The following PKHD1 variants were observed in gnomAD, a reference collection of about 807,000 sequenced individuals.
The protein encoded by PKHD1 is fibrocystin.
PKHD1 carries 291 observed loss-of-function variants against 412.0 expected under a neutral mutation model. The ratio of observed to expected loss-of-function variants is 0.71; its 90% CI spans 0.64 to 0.78. PKHD1 has a LOEUF of 0.78. Among genes scored for constraint, PKHD1 ranks in the 30% least tolerant of loss-of-function variants. The pLI, the probability that PKHD1 is intolerant of heterozygous loss-of-function variation, is 0.00. For missense variants in PKHD1, 4,825 were observed against 4,950.7 expected, an observed-to-expected ratio of 0.97 and a Z score of 0.76; for synonymous variants, 1,777 against 1,821.5, an observed-to-expected ratio of 0.98 and a Z score of 0.62.
At chr6:51,812,971 A>G (rs1490955968) in intron 52 of PKHD1, among the ~76,000 whole-genome samples, 1 of 152,202 alleles carries the variant, frequency 6.6e-6, no homozygotes, top group Admixed American at 6.5e-5. Context: ...AAATCTTTGA[A>G]TCCACCTATG....
rs1214094665 is a variant in PKHD1, at chr6:51,615,623, T to C, written c.*3458A>G. ...CACGTACAATTTTATAGAAGCTTGG[T>C]TGAATAATATTTGCATATGATTTAC... is the stretch of plus-strand genomic sequence containing the variant. On this transcript the variant is annotated 3_prime_UTR_variant, in exon 67 of 67. Coordinates refer to ENST00000371117, the MANE Select transcript of PKHD1 (RefSeq NM_138694.4). The C allele has an allele frequency of 6.6e-6, 1 of 152,242 alleles. No homozygotes were observed. Among genetic ancestry groups the C allele is most frequent in the African/African-American group, 2.4e-5 (1 of 41,460 alleles). The allele number at this position is 152,242 out of a possible 1,614,324, so 9.4% of individuals were successfully genotyped here.
At position 51,659,033 on chromosome 6, in the gene PKHD1, T is replaced by G. The variant is rs556354288; in HGVS notation, c.11093A>C (p.Gln3698Pro). 1 of 1,612,828 alleles carries G rather than the reference T, an allele frequency of 6.2e-7. No homozygotes were observed. The highest frequency in any genetic ancestry group is 1.3e-5 in the African/African-American group (1 of 74,992). ...CAGAACATTCTCTAGTACCCCAGTC[T>G]GTTGAGCAGTGATGACTCGATGAGC... ...NLAHRVITAQ[Q>P]TGVLENVLNM... The change falls in exon 61 of 67, where the codon CAG becomes CCG. Residue 3698 changes from glutamine (Q) to proline (P), a missense_variant. Gln to Pro is a moderately conservative substitution (Grantham distance 76). Transcript: ENST00000371117.
chr6:51,745,515 T>C (rs1195883897), intron 59 of PKHD1, among the ~76,000 whole-genome samples: 2 of 152,112 alleles, frequency 1.3e-5, no homozygotes, highest in Non-Finnish European at 2.9e-5. Flanking sequence ...CAGTGTTTGA[T>C]CTTGGACTCC....
chr6:51,726,272 G>A (rs1434646290), intron 60 of PKHD1, among the ~76,000 whole-genome samples: 2 of 152,128 alleles, frequency 1.3e-5, no homozygotes, highest in East Asian at 3.8e-4. Context: ...TGGTGGATGA[G>A]GCCAATCCTG....
intron 5 of PKHD1, among the ~76,000 whole-genome samples, 179 bp downstream of exon 5, chr6:52,079,721 T>C (rs1000976979): frequency 7.2e-5 from 11 of 152,190 alleles, no homozygotes; most frequent in Non-Finnish European, 1.2e-4. Context: ...AAGGCTGACA[T>C]ACAAACGTTC....
chr6:51,669,106 G>C (rs1051972681), intron 60 of PKHD1, among the ~76,000 whole-genome samples: 1 of 152,140 alleles, frequency 6.6e-6, no homozygotes, highest in Non-Finnish European at 1.5e-5. Flanking sequence ...GATTGGAATA[G>C]TTTCAGATGG....
intron 52 of PKHD1, among the ~76,000 whole-genome samples, chr6:51,828,244 G>A (rs1174218532): frequency 6.6e-6 from 1 of 151,940 alleles, no homozygotes; most frequent in African/African-American, 2.4e-5. Flanking sequence ...TAAATTCTCT[G>A]ATTTCCTGCA....
intron 60 of PKHD1, among the ~76,000 whole-genome samples, chr6:51,742,429 C>T (rs947881114): frequency 7.9e-5 from 12 of 152,080 alleles, no homozygotes; most frequent in Admixed American, 1.3e-4. Context: ...TATGTAGAAA[C>T]AGCTCCAAAT....
At chr6:51,753,472 A>C (rs932126762) in intron 56 of PKHD1, 119 bp from the exon 57 acceptor site, 1 of 809,354 alleles carries the variant, frequency 1.2e-6, no homozygotes, top group Non-Finnish European at 2.1e-6. Context: ...AGTTCTACCA[A>C]CATTAAGGTC....
chr6:51,982,214 C>G (rs1215650739), intron 35 of PKHD1, among the ~76,000 whole-genome samples: 1 of 30,182 alleles, frequency 3.3e-5, no homozygotes, highest in African/African-American at 8.6e-5. Flanking sequence ...CCCGGCCAGC[C>G]GCCCCATCCG....
At chr6:51,828,315 T>C (rs1468334302) in intron 52 of PKHD1, among the ~76,000 whole-genome samples, 1 of 152,098 alleles carries the variant, frequency 6.6e-6, no homozygotes, top group African/African-American at 2.4e-5. Context: ...GCATCCCAGA[T>C]TTTTCATCTG....
intron 53 of PKHD1, among the ~76,000 whole-genome samples, chr6:51,786,295 CTAAT>C (rs939312059): frequency 2.0e-5 from 3 of 152,084 alleles, no homozygotes; most frequent in Non-Finnish European, 2.9e-5. Context: ...CAATGCTTCT[CTAAT>C]TAATTCTTTA....
intron 63 of PKHD1, 63 bp downstream of exon 63, chr6:51,647,968 C>G: frequency 1.0e-6 from 1 of 996,516 alleles, no homozygotes. Context: ...CTAATGGCTG[C>G]AAACATTTTC....
intron 61 of PKHD1, among the ~76,000 whole-genome samples, chr6:51,652,455 ACT>A (rs886771964): frequency 6.6e-6 from 1 of 151,902 alleles, no homozygotes; most frequent in Non-Finnish European, 1.5e-5. Context: ...AATCAGAGAT[ACT>A]CTCTCTTCAA....
At chr6:51,648,342 G>T (rs1770405444) in intron 62 of PKHD1, among the ~76,000 whole-genome samples, 1 of 152,188 alleles carries the variant, frequency 6.6e-6, no homozygotes, top group African/African-American at 2.4e-5. Context: ...GTTGGGGCAG[G>T]ACAGTGAGGA....
intron 56 of PKHD1, among the ~76,000 whole-genome samples, chr6:51,754,064 G>A (rs936005995): frequency 1.6e-4 from 25 of 152,262 alleles, no homozygotes; most frequent in African/African-American, 5.8e-4. Flanking sequence ...CCATGGATTT[G>A]CCTCTCAAGT....
At chr6:51,982,190 G>GGA (rs1466004804) in intron 35 of PKHD1, among the ~76,000 whole-genome samples, 1 of 45,924 alleles carries the variant, frequency 2.2e-5, no homozygotes, top group African/African-American at 7.0e-5. Context: ...GGAGGTGGGG[G>GGA]GGTCAGCCCC....
At position 51,883,204 on chromosome 6, in the gene PKHD1, G is replaced by A; in HGVS notation, c.7239C>T (p.Arg2413=). The change falls in exon 46 of 67, where the codon CGC becomes CGT. Residue 2413 remains arginine, a synonymous_variant. Transcript: ENST00000371117. ...ATGAATAAACTTTGAAGTTTTTCAG[G>A]CGAAGATTGCTACTTCTAAAAATCT... ...GAQIFRSSNL[R]LKNFKVYSCR... The A allele has an allele frequency of 6.2e-7, 1 of 1,613,330 alleles. No homozygotes were observed. Among genetic ancestry groups the A allele is most frequent in the Non-Finnish European group, 8.5e-7 (1 of 1,179,308 alleles).
rs1175888338 is a variant in PKHD1, at chr6:52,043,549, C to A, written c.2821+76G>T. ...AATTTATCTTCTACCCACCCATCAC[C>A]AGCTACATGGCCTCTAACAAAATCA... is the stretch of plus-strand genomic sequence containing the variant. On this transcript the variant is annotated intron_variant, in intron 26 of 66. Transcript: ENST00000371117. The A allele has an allele frequency of 7.1e-6, 7 of 988,884 alleles. 1 individual carries two copies. The highest frequency in any genetic ancestry group is 1.1e-5 in the Non-Finnish European group (7 of 616,690). 61.3% of individuals were successfully genotyped at this position (988,884 alleles called of 1,614,324 possible).
Sources: allele counts gnomAD v4.1 joint callset (sites outside exome capture counted in the v4.1 genomes callset), GRCh38; gene constraint gnomAD v4.1.1; transcripts MANE v1.5; gene names NCBI Gene and HGNC (gene_info 2026-07-23, HGNC 2026-07-21).